GMPS: variants seen among roughly 807,000 people sequenced by gnomAD.
GMPS encodes guanosine monophosphate synthase.
GMPS carries 15 observed loss-of-function variants against 77.9 expected under a neutral mutation model. That is an observed-to-expected ratio of 0.19 (90% confidence interval 0.13 to 0.30). GMPS has a LOEUF of 0.30. GMPS is among the 10% of genes least tolerant of loss of function. GMPS has a pLI of 1.00. For missense variants in GMPS, 590 were observed against 838.8 expected (o/e 0.70, Z 3.66); for synonymous variants, 224 against 275.9 (o/e 0.81, Z 1.86).
rs1380721431 is a variant in GMPS, at chr3:155,940,562, C to T, written c.*2870C>T. 3 of 217,076 alleles carry T rather than the reference C, an allele frequency of 1.4e-5. 1 individual carries two copies. Among genetic ancestry groups the T allele is most frequent in the African/African-American group, 4.5e-5 (2 of 44,456 alleles). 13.4% of individuals were successfully genotyped at this position (217,076 alleles called of 1,614,324 possible). A position where few individuals can be genotyped will look rare whatever the true frequency, so the allele number is the denominator to read the frequency against. On this transcript the variant is annotated 3_prime_UTR_variant, in exon 16 of 16. Coordinates refer to ENST00000496455, the MANE Select transcript of GMPS (RefSeq NM_003875.3). The stretch of plus-strand genomic sequence containing the variant: ...TTCAAATTAGGAAGGCAGGACTATC[C>T]ATCTTTAGTGCTTTTCCTGCCGTTA...
At chr3:155,892,135 A>G (rs184713372) in intron 1 of GMPS, among the ~76,000 whole-genome samples, 7 of 152,334 alleles carry the variant, frequency 4.6e-5, no homozygotes, top group Admixed American at 3.3e-4. Flanking sequence ...AAATAAAAAT[A>G]TAAAATCACT....
intron 13 of GMPS, among the ~76,000 whole-genome samples, chr3:155,934,392 C>G (rs909524763): frequency 6.6e-6 from 1 of 152,190 alleles, no homozygotes; most frequent in African/African-American, 2.4e-5. Flanking sequence ...CTTCTTCCTA[C>G]TATCGAGTGG....
intron 12 of GMPS, among the ~76,000 whole-genome samples, chr3:155,927,668 G>A (rs1410077290): frequency 6.6e-6 from 1 of 151,838 alleles, no homozygotes; most frequent in African/African-American, 2.4e-5. Context: ...AAAGTAAACC[G>A]TATTTGTAAA....
chr3:155,902,872 T>G (rs1754765160), intron 3 of GMPS, among the ~76,000 whole-genome samples: 1 of 152,208 alleles, frequency 6.6e-6, no homozygotes, highest in East Asian at 1.9e-4. Context: ...AGTCTTTAGT[T>G]TGACAAATAC....
rs779022032 is a variant in GMPS at position 155,897,903 on chromosome 3, C to T, written c.210-24C>T. 4 of 1,115,538 alleles carry T rather than the reference C, an allele frequency of 3.6e-6. No homozygotes were observed. In the African/African-American group the frequency reaches 4.6e-5, roughly 13 times the overall value. The allele number at this position is 1,115,538 out of a possible 1,614,324, so 69.1% of individuals were successfully genotyped here. A position where few individuals can be genotyped will look rare whatever the true frequency, so the allele number is the denominator to read the frequency against. Reference sequence around the variant, plus strand: ...TGTATAAAAATTAACAGAGATTCTTCACTGATTGTTCCTTAAATCACAGTG... The same window carrying T: ...TGTATAAAAATTAACAGAGATTCTTTACTGATTGTTCCTTAAATCACAGTG... On this transcript the variant is annotated intron_variant, in intron 2 of 15. Coordinates refer to ENST00000496455, the MANE Select transcript of GMPS (RefSeq NM_003875.3).
At position 155,925,221 on chromosome 3, in the gene GMPS, G is replaced by A. The variant is rs753570121; in HGVS notation, c.1435-20G>A. The A allele has an allele frequency of 1.5e-5, 24 of 1,593,408 alleles. No individual in the cohort carries two copies. The East Asian group carries it at 4.9e-4, about 33-fold the overall frequency. ...CCTTATTTCTTAAAACTGAAAAAAT[G>A]CCTCTTTGGTTTTTCTCAGCCACAT... On this transcript the variant is annotated intron_variant, in intron 11 of 15. Transcript: ENST00000496455.
intron 1 of GMPS, among the ~76,000 whole-genome samples, chr3:155,882,362 T>G (rs1212990785): frequency 6.6e-6 from 1 of 152,254 alleles, no homozygotes; most frequent in Non-Finnish European, 1.5e-5. Context: ...TATCAACATG[T>G]GACCAGTCTT....
intron 3 of GMPS, 59 bp from the exon 4 acceptor site, chr3:155,903,804 T>A (rs1348888969): frequency 3.0e-6 from 2 of 677,274 alleles, no homozygotes; most frequent in Admixed American, 3.2e-5. Flanking sequence ...TAAATCAGTA[T>A]AACAAAATGG....
intron 1 of GMPS, among the ~76,000 whole-genome samples, chr3:155,883,395 A>G (rs1234924314): frequency 2.0e-5 from 3 of 152,150 alleles, no homozygotes; most frequent in African/African-American, 7.2e-5. Context: ...CTTAAGGAAA[A>G]AAAATGTATA....
rs760528037 is a variant in GMPS, at chr3:155,937,708, A to G, written c.*16A>G. Reference sequence around the variant, plus strand: ...GTGGGAGTAATAAACTTCTTGTTCTATTAAAGTACCGTGTGCAGTTTAAAT... The same window carrying G: ...GTGGGAGTAATAAACTTCTTGTTCTGTTAAAGTACCGTGTGCAGTTTAAAT... On this transcript the variant is annotated 3_prime_UTR_variant, in exon 16 of 16. Transcript: ENST00000496455. 9.9e-7 allele frequency: 1 copy of G among 1,010,620 alleles called. No homozygotes were observed. The highest frequency in any genetic ancestry group is 1.3e-5 in the South Asian group (1 of 77,874). 62.6% of individuals were successfully genotyped at this position (1,010,620 alleles called of 1,614,324 possible). A position where few individuals can be genotyped will look rare whatever the true frequency, so the allele number is the denominator to read the frequency against.
chr3:155,917,394 C>G lies in GMPS; in HGVS notation c.1212+1202C>G, dbSNP rs554992210. ...ACTCTATACCCGTTAAAAAACAACTCTCCCTTTTTTCTGGCCCCCACCCTC... is the reference window on the plus strand; with the variant it reads ...ACTCTATACCCGTTAAAAAACAACTGTCCCTTTTTTCTGGCCCCCACCCTC... On this transcript the variant is annotated intron_variant, in intron 9 of 15. Coordinates refer to ENST00000496455, the MANE Select transcript of GMPS (RefSeq NM_003875.3). Among the ~76,000 whole-genome samples the G allele has an allele frequency of 4.6e-5, 7 of 152,252 alleles. No homozygotes were observed. In the South Asian group the frequency reaches 1.5e-3, roughly 32 times the overall value.
At chr3:155,885,264 A>G (rs930345616) in intron 1 of GMPS, among the ~76,000 whole-genome samples, 3 of 152,204 alleles carry the variant, frequency 2.0e-5, no homozygotes, top group African/African-American at 7.2e-5. Context: ...TAAACATAGT[A>G]ATTTATTGAA....
chr3:155,932,266 A>G (rs73159067), intron 13 of GMPS, among the ~76,000 whole-genome samples: 13 of 148,436 alleles, frequency 8.8e-5, no homozygotes, highest in Non-Finnish European at 1.6e-4. Context: ...TTACAGAATT[A>G]CAAATAAAGT....
intron 5 of GMPS, among the ~76,000 whole-genome samples, chr3:155,907,752 T>C (rs1754929531): frequency 6.6e-6 from 1 of 152,204 alleles, no homozygotes; most frequent in South Asian, 2.1e-4. Context: ...GTGATTAGGG[T>C]TGTTGCAATT....
At chr3:155,919,539 G>T (rs998778560) in intron 10 of GMPS, among the ~76,000 whole-genome samples, 7 of 152,124 alleles carry the variant, frequency 4.6e-5, no homozygotes, top group East Asian at 1.9e-4. Context: ...ATTTTCCATT[G>T]TATCTGCATT....
chr3:155,870,330 T>C (rs1297933998), upstream of GMPS, among the ~76,000 whole-genome samples: 4 of 152,118 alleles, frequency 2.6e-5, no homozygotes, highest in Non-Finnish European at 5.9e-5. Flanking sequence ...AGCAGCAAAC[T>C]AGCTCGGATT....
At chr3:155,891,978 T>C (rs1332903840) in intron 1 of GMPS, among the ~76,000 whole-genome samples, 7 of 152,026 alleles carry the variant, frequency 4.6e-5, no homozygotes, top group South Asian at 2.1e-4. Context: ...TGCAGATAAA[T>C]GGAGAAGGGA....
At chr3:155,917,067 C>T (rs780464142) in intron 9 of GMPS, among the ~76,000 whole-genome samples, 6 of 151,902 alleles carry the variant, frequency 3.9e-5, no homozygotes, top group African/African-American at 9.7e-5. Context: ...CTCTGCCTCC[C>T]GGTTCAAGAG....
chr3:155,908,142 G>A (rs1164833071), intron 5 of GMPS, among the ~76,000 whole-genome samples: 1 of 152,228 alleles, frequency 6.6e-6, no homozygotes, highest in Admixed American at 6.6e-5. Flanking sequence ...GGAATTTATT[G>A]TAGTAATCAG....
Sources: allele counts gnomAD v4.1 joint callset (sites outside exome capture counted in the v4.1 genomes callset), GRCh38; gene constraint gnomAD v4.1.1; transcripts MANE v1.5; gene names NCBI Gene and HGNC (gene_info 2026-07-23, HGNC 2026-07-21).